The following CNTN3 variants were observed in gnomAD, a reference collection of about 807,000 sequenced individuals.
CNTN3 encodes contactin 3.
Under a neutral mutation model 119.1 loss-of-function variants are expected in CNTN3, and 60 were observed. The ratio of observed to expected loss-of-function variants is 0.50; its 90% CI spans 0.41 to 0.62. The LOEUF is 0.62. Ranked by LOEUF, CNTN3 falls within the 20% of genes least tolerant of loss-of-function variation. CNTN3 has a pLI of 0.00. For missense variants in CNTN3, 1,101 were observed against 1,242.4 expected, an observed-to-expected ratio of 0.89 and a Z score of 1.71; for synonymous variants, 450 against 438.7, an observed-to-expected ratio of 1.03 and a Z score of -0.32.
At chr3:74,509,883 A>T (rs1441989325) in intron 2 of CNTN3, among the ~76,000 whole-genome samples, 1 of 152,140 alleles carries the variant, frequency 6.6e-6, no homozygotes, top group Non-Finnish European at 1.5e-5. Context: ...TCATCACAAC[A>T]TCATTATCCT....
chr3:74,340,886 C>T (rs924080619), intron 11 of CNTN3, among the ~76,000 whole-genome samples: 1 of 152,096 alleles, frequency 6.6e-6, no homozygotes, highest in Non-Finnish European at 1.5e-5. Flanking sequence ...TTTCAGGTAT[C>T]TTCTATGCAA....
chr3:74,291,129 TGTGA>T (rs879349057), intron 19 of CNTN3, among the ~76,000 whole-genome samples: 1 of 151,320 alleles, frequency 6.6e-6, no homozygotes, highest in Admixed American at 6.6e-5. Flanking sequence ...AGTTCCCACC[TGTGA>T]GTGAGAACAT....
intron 2 of CNTN3, among the ~76,000 whole-genome samples, chr3:74,503,917 A>T (rs937913059): frequency 7.2e-5 from 11 of 152,150 alleles, no homozygotes; most frequent in Non-Finnish European, 1.3e-4. Flanking sequence ...CCCCCCTAAC[A>T]CCTACAGGCA....
chr3:74,341,312 T>C (rs1206035470), intron 11 of CNTN3, among the ~76,000 whole-genome samples: 1 of 152,208 alleles, frequency 6.6e-6, no homozygotes. Context: ...GTGAAAATTT[T>C]ATACCACTTC....
chr3:74,467,137 C>T (rs1575755053), intron 4 of CNTN3, among the ~76,000 whole-genome samples: 1 of 151,962 alleles, frequency 6.6e-6, no homozygotes, highest in African/African-American at 2.4e-5. Flanking sequence ...GTATACTATA[C>T]TCTTGAGTCA....
intron 5 of CNTN3, among the ~76,000 whole-genome samples, chr3:74,384,499 T>C (rs902584127): frequency 9.9e-5 from 15 of 152,256 alleles, no homozygotes; most frequent in Non-Finnish European, 1.8e-4. Context: ...TTGATACAAA[T>C]GCTCATTGAT....
intron 13 of CNTN3, among the ~76,000 whole-genome samples, chr3:74,329,199 C>T (rs969413636): frequency 2.6e-5 from 4 of 152,060 alleles, no homozygotes; most frequent in African/African-American, 9.7e-5. Flanking sequence ...AAAAATACAT[C>T]AAATCTCAAG....
chr3:74,477,590 G>T (rs1034695156), intron 4 of CNTN3, among the ~76,000 whole-genome samples: 1 of 152,036 alleles, frequency 6.6e-6, no homozygotes, highest in Non-Finnish European at 1.5e-5. Flanking sequence ...GGTAGTGGGG[G>T]ATTAGGGGTG....
chr3:74,336,665 C>A lies in CNTN3; in HGVS notation c.1365-7G>T. ...ATCGTTTAACAAAGAAATTCTAAAGCAAAGACAAATAAGATAAATAAATAT... is the reference window on the plus strand; with the variant it reads ...ATCGTTTAACAAAGAAATTCTAAAGAAAAGACAAATAAGATAAATAAATAT... On this transcript the variant is annotated splice_polypyrimidine_tract_variant and splice_region_variant and intron_variant, in intron 11 of 22. Transcript: ENST00000263665. 6.3e-7 allele frequency: 1 copy of A among 1,596,212 alleles called. No individual in the cohort carries two copies. Among genetic ancestry groups the A allele is most frequent in the Non-Finnish European group, 8.6e-7 (1 of 1,168,774 alleles).
chr3:74,612,076 A>G (rs1002537022), intron 1 of CNTN3, among the ~76,000 whole-genome samples: 1 of 152,238 alleles, frequency 6.6e-6, no homozygotes, highest in Non-Finnish European at 1.5e-5. Flanking sequence ...ATATCTATAT[A>G]CTATTTCAGC....
intron 4 of CNTN3, among the ~76,000 whole-genome samples, chr3:74,448,504 T>C (rs912653583): frequency 2.0e-5 from 3 of 152,166 alleles, no homozygotes; most frequent in Non-Finnish European, 4.4e-5. Flanking sequence ...GACAAGTATG[T>C]AGCATGTAGA....
At chr3:74,544,815 G>T (rs1703891500) in intron 1 of CNTN3, among the ~76,000 whole-genome samples, 1 of 152,024 alleles carries the variant, frequency 6.6e-6, no homozygotes, top group African/African-American at 2.4e-5. Flanking sequence ...AGCCAGGATG[G>T]TCACGATCTC....
chr3:74,595,212 G>T (rs1158315077), intron 1 of CNTN3, among the ~76,000 whole-genome samples: 1 of 151,576 alleles, frequency 6.6e-6, no homozygotes, highest in Admixed American at 6.6e-5. Flanking sequence ...CAGATGAGTA[G>T]GTTGCAAAAA....
intron 4 of CNTN3, among the ~76,000 whole-genome samples, chr3:74,442,538 A>G (rs1701985228): frequency 6.6e-6 from 1 of 152,124 alleles, no homozygotes; most frequent in African/African-American, 2.4e-5. Flanking sequence ...TCATGCATAA[A>G]ATCAAGTACC....
intron 2 of CNTN3, among the ~76,000 whole-genome samples, chr3:74,509,391 G>A (rs907855627): frequency 6.8e-6 from 1 of 147,876 alleles, no homozygotes; most frequent in African/African-American, 2.5e-5. Flanking sequence ...TCCACATCCC[G>A]AGTTCAAGCA....
At chr3:74,304,169 T>C (rs1702514066) in intron 13 of CNTN3, among the ~76,000 whole-genome samples, 1 of 152,210 alleles carries the variant, frequency 6.6e-6, no homozygotes, top group Non-Finnish European at 1.5e-5. Context: ...TTGCATAGTT[T>C]TACATGAAAT....
At chr3:74,275,355 T>C (rs1158946597) in intron 20 of CNTN3, among the ~76,000 whole-genome samples, 1 of 152,162 alleles carries the variant, frequency 6.6e-6, no homozygotes. Context: ...CATCAGGCTA[T>C]CTAAAGTTAA....
intron 13 of CNTN3, among the ~76,000 whole-genome samples, chr3:74,320,566 C>T (rs1435470287): frequency 1.3e-5 from 2 of 151,980 alleles, no homozygotes; most frequent in Non-Finnish European, 2.9e-5. Context: ...ATACCTAAGG[C>T]TAAATGACGA....
intron 16 of CNTN3, 135 bp downstream of exon 16, chr3:74,301,263 T>C: frequency 2.3e-6 from 2 of 867,802 alleles, no homozygotes; most frequent in Admixed American, 4.7e-5. Flanking sequence ...TGGCCAGTTC[T>C]GCCATTAGAA....
Sources: gnomAD v4.1 joint callset for allele counts (sites outside exome capture counted in the v4.1 genomes callset) on GRCh38, gnomAD v4.1.1 for gene constraint, MANE v1.5 for transcripts, NCBI Gene and HGNC (gene_info 2026-07-23, HGNC 2026-07-21) for gene names.